Variants in KIAA2012 observed in about 807,000 individuals in gnomAD.
KIAA2012 encodes the protein KIAA2012.
KIAA2012 carries 125 observed loss-of-function variants against 150.6 expected under a neutral mutation model. The ratio of observed to expected loss-of-function variants is 0.83; its 90% confidence interval spans 0.72 to 0.96. The LOEUF is 0.96. Among genes scored for constraint, KIAA2012 ranks in the 40% least tolerant of loss-of-function variants. The pLI, the probability that KIAA2012 is intolerant of heterozygous loss-of-function variation, is 0.00. For synonymous variants in KIAA2012, 462 were observed against 504.7 expected (o/e 0.92, Z 1.13); for missense variants, 1,219 against 1,354.9 (o/e 0.90, Z 1.57).
In KIAA2012 at chr2:202,093,093, C is replaced by T; in HGVS notation, c.593C>T (p.Pro198Leu). 1.3e-6 allele frequency: 2 copies of T among 1,550,188 alleles called. No individual in the cohort carries two copies. Among genetic ancestry groups the T allele is most frequent in the Non-Finnish European group, 1.7e-6 (2 of 1,146,428 alleles). Residue 198 changes from proline (P) to leucine (L), a missense_variant, in exon 4 of 24, where the codon CCA becomes CTA. Transcript: ENST00000498697. ...CTTAATGTACCAAAGAAGCTCAGGC[C>T]ACAACAAGATCTTTCAGGTGTACCC... ...SQLNVPKKLR[P>L]QQDLSGVPPK...
intron 15 of KIAA2012, among the ~76,000 whole-genome samples, chr2:202,178,113 T>C (rs1398648136): frequency 6.6e-6 from 1 of 152,032 alleles, no homozygotes; most frequent in Non-Finnish European, 1.5e-5. Flanking sequence ...GCAGGAGAAT[T>C]GCTTGAACCT....
intron 7 of KIAA2012, 93 bp from the exon 8 acceptor site, chr2:202,102,853 C>T: frequency 8.2e-7 from 1 of 1,215,526 alleles, no homozygotes; most frequent in Non-Finnish European, 1.1e-6. Context: ...GCTCCTGGTG[C>T]AAGAGATACA....
chr2:202,110,307 C>G (rs1011180567), intron 10 of KIAA2012, among the ~76,000 whole-genome samples: 2 of 152,152 alleles, frequency 1.3e-5, no homozygotes, highest in Non-Finnish European at 2.9e-5. Context: ...AGTACTTATC[C>G]TTAAGGAGTC....
At chr2:202,157,103 C>T (rs985870474) in intron 14 of KIAA2012, among the ~76,000 whole-genome samples, 1 of 152,160 alleles carries the variant, frequency 6.6e-6, no homozygotes, top group South Asian at 2.1e-4. Context: ...AGCCTGCTTC[C>T]AAAGGACTCA....
chr2:202,152,291 T>C (rs1323677130), intron 13 of KIAA2012, among the ~76,000 whole-genome samples: 2 of 152,208 alleles, frequency 1.3e-5, no homozygotes, highest in African/African-American at 4.8e-5. Context: ...ATTGATGGCC[T>C]CTGAACATTA....
At chr2:202,186,110 A>G (rs1207471239) in intron 16 of KIAA2012, among the ~76,000 whole-genome samples, 1 of 152,216 alleles carries the variant, frequency 6.6e-6, no homozygotes, top group East Asian at 1.9e-4. Context: ...CCCAGAGGGC[A>G]TAAGTCAGTT....
Position 202,193,472 on chromosome 2 carries a change from C to T in KIAA2012, c.2983C>T (p.Leu995=). Residue 995 remains leucine, a synonymous_variant, in exon 20 of 24, where the codon CTG becomes TTG. Transcript: ENST00000498697. ...RAKKMEEELE[L]EQQRRTEEIR... Reference sequence around the variant, plus strand: ...AAAAAAGATGGAGGAGGAGCTGGAGCTGGAGCAGCAGAGACGTACAGAAGA... The same window carrying T: ...AAAAAAGATGGAGGAGGAGCTGGAGTTGGAGCAGCAGAGACGTACAGAAGA... The T allele has an allele frequency of 6.5e-7, 1 of 1,550,212 alleles. No homozygotes were observed. The highest frequency in any genetic ancestry group is 8.7e-7 in the Non-Finnish European group (1 of 1,146,888).
chr2:202,077,086 C>T (rs1559194943), intron 2 of KIAA2012: 1 of 456,790 alleles, frequency 2.2e-6, no homozygotes, highest in Non-Finnish European at 4.4e-6. Flanking sequence ...CACTATGACC[C>T]CCAGCTCCTC....
chr2:202,170,662 A>G (rs919475468), intron 15 of KIAA2012, among the ~76,000 whole-genome samples: 2 of 152,226 alleles, frequency 1.3e-5, no homozygotes, highest in African/African-American at 4.8e-5. Flanking sequence ...AGGAAGGACA[A>G]CTGATCCAGA....
At chr2:202,168,005 T>G (rs1389169737) in intron 15 of KIAA2012, among the ~76,000 whole-genome samples, 1 of 152,154 alleles carries the variant, frequency 6.6e-6, no homozygotes, top group African/African-American at 2.4e-5. Context: ...TGACCTTGAG[T>G]AAGTTACTAA....
At position 202,093,083 on chromosome 2, in the gene KIAA2012, A is replaced by C; in HGVS notation, c.583A>C (p.Lys195Gln). Residue 195 changes from lysine to glutamine, a missense_variant, in exon 4 of 24, where the codon AAG (lysine) becomes CAG (glutamine). Physicochemically the swap from Lys to Gln is moderately conservative, Grantham distance 53. Transcript: ENST00000498697. The stretch of plus-strand genomic sequence containing the variant: ...GGACAGTCAACTTAATGTACCAAAG[A>C]AGCTCAGGCCACAACAAGATCTTTC... The part of the protein sequence containing the change: ...LQDSQLNVPK[K>Q]LRPQQDLSGV... 1 of 1,550,816 alleles carries C rather than the reference A, an allele frequency of 6.4e-7. No individual in the cohort carries two copies.
At chr2:202,157,618 G>C (rs769735251) in intron 14 of KIAA2012, among the ~76,000 whole-genome samples, 4 of 152,138 alleles carry the variant, frequency 2.6e-5, no homozygotes, top group Non-Finnish European at 4.4e-5. Context: ...ATGAATCTAA[G>C]TATGTAGAAT....
chr2:202,201,969 C>T (rs955165776), intron 22 of KIAA2012: 5 of 664,246 alleles, frequency 7.5e-6, no homozygotes, highest in Admixed American at 2.3e-5. Flanking sequence ...CTTCATGTCA[C>T]GTGACAGTCC....
rs1195649591 is a variant in KIAA2012 at position 202,098,827 on chromosome 2, C to T, written c.829-786C>T. Among the ~76,000 whole-genome samples the T allele has an allele frequency of 2.0e-4, 27 of 138,194 alleles. 1 individual carries two copies. Among genetic ancestry groups the T allele is most frequent in the African/African-American group, 7.2e-4 (24 of 33,510 alleles). The allele number at this position is 138,194 out of a possible 152,430, so 90.7% of individuals were successfully genotyped here. ...GTGTGTGTGTGTGTGTGTGCACGCG[C>T]GCGCGCGCGCAGGATAACAATTGTT... On this transcript the variant is annotated intron_variant, in intron 5 of 23. Transcript: ENST00000498697.
chr2:202,125,211 CA>C lies in KIAA2012; in HGVS notation c.1763-2del. The C allele has an allele frequency of 1.3e-6, 2 of 1,549,044 alleles. No individual in the cohort carries two copies. Among genetic ancestry groups the C allele is most frequent in the Non-Finnish European group, 1.7e-6 (2 of 1,145,888 alleles). Reference sequence around the variant, plus strand: ...TCAGGTAAAATATCTTACTGTTTTTCAGCCTATGAATCTGTCAATTCAAATA... The same window carrying C: ...TCAGGTAAAATATCTTACTGTTTTTCGCCTATGAATCTGTCAATTCAAATA... On this transcript the variant is annotated splice_acceptor_variant, in intron 11 of 23. Transcript: ENST00000498697. LOFTEE classifies it high-confidence loss of function.
intron 18 of KIAA2012, among the ~76,000 whole-genome samples, chr2:202,189,431 A>G (rs2105746187): frequency 6.6e-6 from 1 of 151,662 alleles, no homozygotes; most frequent in African/African-American, 2.4e-5. Context: ...ACCTGGGATT[A>G]TAGGCACCCA....
chr2:202,128,016 A>T (rs1216799582), intron 12 of KIAA2012, among the ~76,000 whole-genome samples: 1 of 151,778 alleles, frequency 6.6e-6, no homozygotes, highest in African/African-American at 2.4e-5. Context: ...TTATCCCCTG[A>T]CTTTTACCCC....
At chr2:202,081,272 T>C (rs1689446327) in intron 2 of KIAA2012, among the ~76,000 whole-genome samples, 1 of 152,246 alleles carries the variant, frequency 6.6e-6, no homozygotes, top group African/African-American at 2.4e-5. Context: ...TTAAGTTGCT[T>C]CCACATTTTG....
chr2:202,133,669 G>C (rs1400063481), intron 12 of KIAA2012, among the ~76,000 whole-genome samples: 7 of 152,158 alleles, frequency 4.6e-5, no homozygotes, highest in Non-Finnish European at 2.9e-5. Flanking sequence ...CAGGCCTCCA[G>C]CAACTATTCC....
Sources: gnomAD v4.1 joint callset for allele counts (sites outside exome capture counted in the v4.1 genomes callset) on GRCh38, gnomAD v4.1.1 for gene constraint, MANE v1.5 for transcripts, NCBI Gene and HGNC (gene_info 2026-07-23, HGNC 2026-07-21) for gene names.